Variants in NOL4 observed in about 807,000 individuals in gnomAD.
NOL4 encodes the protein nucleolar protein 4.
NOL4 carries 17 observed loss-of-function variants against 75.9 expected under a neutral mutation model. The ratio of observed to expected loss-of-function variants is 0.22; its 90% CI spans 0.15 to 0.34. NOL4 has a LOEUF of 0.34. NOL4 is among the 10% of genes least tolerant of loss of function. NOL4 has a pLI of 1.00. For synonymous variants in NOL4, 292 were observed against 289.9 expected (o/e 1.01, Z -0.07); for missense variants, 614 against 793.5 (o/e 0.77, Z 2.72).
chr18:34,112,208 A>C (rs1401954763), intron 2 of NOL4, among the ~76,000 whole-genome samples: 1 of 151,992 alleles, frequency 6.6e-6, no homozygotes, highest in Non-Finnish European at 1.5e-5. Flanking sequence ...ATCTCTACTA[A>C]AATTATGAAA....
chr18:34,159,624 G>A (rs1029393526), intron 1 of NOL4, among the ~76,000 whole-genome samples: 1 of 152,222 alleles, frequency 6.6e-6, no homozygotes, highest in East Asian at 1.9e-4. Flanking sequence ...CCGCCTCGCC[G>A]GAGGGGTCCC....
chr18:33,983,858 T>G (rs529291007), intron 6 of NOL4, among the ~76,000 whole-genome samples: 7 of 151,858 alleles, frequency 4.6e-5, no homozygotes, highest in African/African-American at 1.7e-4. Flanking sequence ...GTTATATGAG[T>G]CAAAAAAAAG....
At chr18:34,057,282 G>C (rs2076869962) in intron 5 of NOL4, among the ~76,000 whole-genome samples, 1 of 152,224 alleles carries the variant, frequency 6.6e-6, no homozygotes, top group East Asian at 1.9e-4. Context: ...ATTCACACAT[G>C]TGCATATGTA....
rs555960799 is a variant in NOL4, at chr18:33,910,696, C to T, written c.1543-27272G>A. Among the ~76,000 whole-genome samples, 28 of 152,198 alleles carry T rather than the reference C, an allele frequency of 1.8e-4. 1 individual carries two copies. The highest frequency in any genetic ancestry group is 3.4e-3 in the Middle Eastern group (1 of 294). ...GATGACGGTGTTGTTCACTATTGAG[C>T]CAACTGGTGAGCAATGAGTATACCT... is the stretch of plus-strand genomic sequence containing the variant. On this transcript the variant is annotated intron_variant, in intron 9 of 10. Transcript: ENST00000261592.
chr18:34,213,672 TC>T (rs980578347), intron 1 of NOL4, among the ~76,000 whole-genome samples: 7 of 152,134 alleles, frequency 4.6e-5, no homozygotes, highest in Non-Finnish European at 1.0e-4. Flanking sequence ...CCCTTCTCTC[TC>T]ACAAAAGGGC....
At chr18:34,180,449 A>C (rs1027328624) in intron 1 of NOL4, among the ~76,000 whole-genome samples, 2 of 151,574 alleles carry the variant, frequency 1.3e-5, no homozygotes, top group Non-Finnish European at 3.0e-5. Flanking sequence ...ATGACAAAAA[A>C]GCTCAACAAA....
At chr18:33,868,434 C>T (rs2063536670) in intron 10 of NOL4, among the ~76,000 whole-genome samples, 1 of 151,944 alleles carries the variant, frequency 6.6e-6, no homozygotes, top group African/African-American at 2.4e-5. Context: ...TTGACACATA[C>T]AATTAACCAT....
At chr18:34,127,320 C>T (rs1263717185) in intron 2 of NOL4, among the ~76,000 whole-genome samples, 1 of 151,638 alleles carries the variant, frequency 6.6e-6, no homozygotes, top group African/African-American at 2.4e-5. Context: ...ATAAAATGAC[C>T]ACTAGATCTA....
At chr18:33,940,547 G>A (rs1395056386) in intron 9 of NOL4, among the ~76,000 whole-genome samples, 3 of 151,948 alleles carry the variant, frequency 2.0e-5, no homozygotes, top group East Asian at 2.0e-4. Context: ...GGGGCCTGTC[G>A]GGGAGTAGGA....
intron 5 of NOL4, among the ~76,000 whole-genome samples, chr18:34,043,986 T>C (rs115204954): frequency 0.025 from 3,773 of 152,216 alleles, 166 homozygotes; most frequent in African/African-American, 0.086. Context: ...TCCATATCTA[T>C]CAAGAAGATA....
chr18:33,885,161 TA>T (rs1358809357), intron 9 of NOL4, among the ~76,000 whole-genome samples: 1 of 151,626 alleles, frequency 6.6e-6, no homozygotes, highest in African/African-American at 2.4e-5. Flanking sequence ...TTACTTTTTT[TA>T]AAAAAAATCA....
intron 1 of NOL4, among the ~76,000 whole-genome samples, chr18:34,196,310 T>C (rs2035325900): frequency 6.6e-6 from 1 of 152,108 alleles, no homozygotes; most frequent in Non-Finnish European, 1.5e-5. Flanking sequence ...TATCATCTTG[T>C]TTTACTCAAA....
chr18:34,082,626 G>T (rs998833473), intron 5 of NOL4, among the ~76,000 whole-genome samples: 2 of 152,038 alleles, frequency 1.3e-5, no homozygotes, highest in African/African-American at 2.4e-5. Context: ...GGTTCTGCTG[G>T]CATGCTTTAA....
chr18:33,976,569 T>A (rs533168423), intron 6 of NOL4, among the ~76,000 whole-genome samples: 1 of 152,282 alleles, frequency 6.6e-6, no homozygotes, highest in East Asian at 1.9e-4. Flanking sequence ...GGTAAAAATA[T>A]CAGATCTCAG....
intron 1 of NOL4, among the ~76,000 whole-genome samples, chr18:34,144,100 G>T (rs1288756603): frequency 6.6e-6 from 1 of 151,912 alleles, no homozygotes; most frequent in Non-Finnish European, 1.5e-5. Context: ...TAAACCAGAT[G>T]AACCACCTCA....
chr18:34,066,788 T>A (rs974956840), intron 5 of NOL4, among the ~76,000 whole-genome samples: 1 of 151,580 alleles, frequency 6.6e-6, no homozygotes, highest in Non-Finnish European at 1.5e-5. Context: ...TTCTATTCTA[T>A]CTCTAACAAT....
chr18:33,867,327 C>G (rs1482739817), intron 10 of NOL4, among the ~76,000 whole-genome samples: 2 of 152,002 alleles, frequency 1.3e-5, no homozygotes, highest in East Asian at 1.9e-4. Context: ...TAAATTTTTA[C>G]TATTTTCTTG....
At chr18:34,212,672 C>G (rs1257196701) in intron 1 of NOL4, among the ~76,000 whole-genome samples, 1 of 152,170 alleles carries the variant, frequency 6.6e-6, no homozygotes, top group African/African-American at 2.4e-5. Context: ...TAGGGAAAAT[C>G]CACCTCCAAG....
chr18:34,006,131 C>T (rs1374462518), intron 6 of NOL4, among the ~76,000 whole-genome samples: 1 of 152,018 alleles, frequency 6.6e-6, no homozygotes, highest in Admixed American at 6.6e-5. Context: ...TAATAGGGCA[C>T]CATACTTATA....
Sources: allele counts gnomAD v4.1 joint callset (sites outside exome capture counted in the v4.1 genomes callset), GRCh38; gene constraint gnomAD v4.1.1; transcripts MANE v1.5; gene names NCBI Gene and HGNC (gene_info 2026-07-23, HGNC 2026-07-21).